NRAP: variants seen among roughly 807,000 people sequenced by gnomAD.
The protein encoded by NRAP is nebulin related anchoring protein.
NRAP carries 189 observed loss-of-function variants against 225.9 expected under a neutral mutation model. That is an observed-to-expected ratio of 0.84 (90% CI 0.74 to 0.94). The LOEUF (loss-of-function observed/expected upper bound fraction) is 0.94. Ranked by LOEUF, NRAP falls within the 40% of genes least tolerant of loss-of-function variation. The probability of loss-of-function intolerance (pLI) is 0.00; values close to 1 mark genes in which losing one functional copy is unlikely to be tolerated. For missense variants in NRAP, 2,176 were observed against 2,168.7 expected (o/e 1.00, Z -0.07); for synonymous variants, 769 against 790.7 (o/e 0.97, Z 0.46).
At chr10:113,661,824 A>G (rs1850698173) in intron 3 of NRAP, among the ~76,000 whole-genome samples, 1 of 152,216 alleles carries the variant, frequency 6.6e-6, no homozygotes, top group East Asian at 1.9e-4. Flanking sequence ...ACAGGCTGCC[A>G]ATAATCATAA....
intron 41 of NRAP, 144 bp downstream of exon 41, chr10:113,589,522 A>C: frequency 1.1e-6 from 1 of 942,402 alleles, no homozygotes; most frequent in South Asian, 1.6e-5. Context: ...GACCCATGAA[A>C]TTAGGCGCCT....
chr10:113,620,046 G>C (rs776315079), intron 25 of NRAP, among the ~76,000 whole-genome samples: 8 of 152,190 alleles, frequency 5.3e-5, no homozygotes, highest in Non-Finnish European at 1.2e-4. Flanking sequence ...AGAAAGAGCT[G>C]CTCATTGACA....
In NRAP at chr10:113,590,689, G is replaced by C; in HGVS notation, c.4845C>G (p.Ser1615Arg). 3 of 1,614,186 alleles carry C rather than the reference G, an allele frequency of 1.9e-6. No homozygotes were observed. The highest frequency in any genetic ancestry group is 2.2e-5 in the South Asian group (2 of 91,086). ...DQPGLLQAKR[S>R]QQLASDVHYR... ...AGTGCACATCACTGGCCAGCTGCTG[G>C]CTCCTCTTGGCCTGAAGGAGGCCGG... The change falls in exon 40 of 42, where the codon AGC (serine) becomes AGG (arginine). Residue 1615 changes from serine to arginine, a missense_variant. Ser to Arg is a moderately radical substitution (Grantham distance 110). Around this residue, in one of 3 missense-constraint regions of NRAP, gnomAD observed 445 missense variants for 426.1 expected, o/e 1.04. Transcript: ENST00000359988.
chr10:113,614,392 A>G (rs1200901285), intron 28 of NRAP, 96 bp from the exon 29 acceptor site: 2 of 883,234 alleles, frequency 2.3e-6, no homozygotes, highest in Non-Finnish European at 3.8e-6. Flanking sequence ...TGTTCTTTTG[A>G]CAGTAGCTGG....
chr10:113,645,032 G>A (rs564518496), intron 11 of NRAP, among the ~76,000 whole-genome samples: 10 of 152,106 alleles, frequency 6.6e-5, no homozygotes, highest in Non-Finnish European at 1.2e-4. Flanking sequence ...CGTCTTAAAC[G>A]GTGGGCAAGC....
At chr10:113,608,718 C>A (rs1348218491) in intron 31 of NRAP, among the ~76,000 whole-genome samples, 2 of 152,244 alleles carry the variant, frequency 1.3e-5, no homozygotes, top group African/African-American at 4.8e-5. Context: ...TGGACTGAAT[C>A]AGAACCTTCT....
rs758733405 is a variant in NRAP, at chr10:113,650,046, T to A, written c.879A>T (p.Gln293His). ...EGILTRECAD[Q>H]YGQGYPEEYE... ...TCATTTTATCACATACCTGGCCATATTGGTCTGCACATTCCCTTGTCAAGA... is the reference window on the plus strand; with the variant it reads ...TCATTTTATCACATACCTGGCCATAATGGTCTGCACATTCCCTTGTCAAGA... The change falls in exon 9 of 42, where the codon CAA (glutamine) becomes CAT (histidine). Residue 293 changes from glutamine to histidine, a missense_variant. This residue lies in a region of NRAP where 1,708 missense variants were observed against 1,695.5 expected (regional missense o/e 1.01). Coordinates refer to ENST00000359988, the MANE Select transcript of NRAP (RefSeq NM_198060.4). 2 of 1,586,806 alleles carry A rather than the reference T, an allele frequency of 1.3e-6. No homozygotes were observed. Among genetic ancestry groups the A allele is most frequent in the Non-Finnish European group, 1.7e-6 (2 of 1,155,242 alleles).
chr10:113,591,459 C>T (rs779655837), intron 39 of NRAP, among the ~76,000 whole-genome samples: 16 of 152,174 alleles, frequency 1.1e-4, no homozygotes, highest in Non-Finnish European at 2.2e-4. Flanking sequence ...TGGCCTTCAC[C>T]CTTTTCAATG....
In NRAP at chr10:113,589,693, T is replaced by C. The variant is rs1252640502; in HGVS notation, c.5061A>G (p.Ala1687=). 1 of 1,614,068 alleles carries C rather than the reference T, an allele frequency of 6.2e-7. No homozygotes were observed. Among genetic ancestry groups the C allele is most frequent in the South Asian group, 1.1e-5 (1 of 91,076 alleles). Residue 1687 remains alanine (A), a synonymous_variant, in exon 41 of 42, where the codon GCA becomes GCG. Transcript: ENST00000359988. ...AAGCTCCCTGGAGACCCAGGCCCCT[T>C]GCGTTGGCCAGTTCCGCAGCCCGCC... ...MARRAAELAN[A]RGLGLQGAYR...
At chr10:113,608,965 C>T (rs1048030292) in intron 31 of NRAP, among the ~76,000 whole-genome samples, 6 of 152,156 alleles carry the variant, frequency 3.9e-5, no homozygotes, top group African/African-American at 1.4e-4. Flanking sequence ...TCGAGACCAT[C>T]CAGGCCAACA....
chr10:113,635,384 G>A (rs891761072), intron 14 of NRAP, among the ~76,000 whole-genome samples: 21 of 152,170 alleles, frequency 1.4e-4, no homozygotes, highest in Admixed American at 1.2e-3. Flanking sequence ...AAAGAAAAGA[G>A]GGAGAGGTTG....
Position 113,604,797 on chromosome 10 carries a change from T to C in NRAP, c.4039A>G (p.Arg1347Gly). The C allele has an allele frequency of 2.5e-6, 4 of 1,614,150 alleles. No individual in the cohort carries two copies. The highest frequency in any genetic ancestry group is 2.5e-6 in the Non-Finnish European group (3 of 1,180,012). The change falls in exon 35 of 42, where the codon AGG becomes GGG. Residue 1347 changes from arginine to glycine, a missense_variant. Coordinates refer to ENST00000359988, the MANE Select transcript of NRAP (RefSeq NM_198060.4). ...MGQLQSELQY[R>G]RGATSSQAQF... The stretch of plus-strand genomic sequence containing the variant: ...GCTTGGCTGCTGGTCGCCCCCCTCC[T>C]GTACTGAAGCTCGCTCTGCAGCTGG...
rs746706584 is a variant in NRAP at position 113,629,773 on chromosome 10, T to C, written c.1855A>G (p.Lys619Glu). ...AKMSSEVEYK[K>E]GFEESKTRFH... The stretch of plus-strand genomic sequence containing the variant: ...CGGGTCTTACTCTCTTCAAAGCCTT[T>C]CTTATATTCAACCTTGAATATACCA... The change falls in exon 19 of 42, where the codon AAA becomes GAA. Residue 619 changes from lysine to glutamate, a missense_variant. Physicochemically the swap from Lys to Glu is moderately conservative, Grantham distance 56 (BLOSUM62 1). This residue lies in a region of NRAP where 1,708 missense variants were observed against 1,695.5 expected (regional missense o/e 1.01). Transcript: ENST00000359988. 3.1e-6 allele frequency: 5 copies of C among 1,612,426 alleles called. No homozygotes were observed. The African/African-American group carries it at 5.3e-5, about 17-fold the overall frequency.
At chr10:113,637,918 G>A (rs992561146) in intron 14 of NRAP, among the ~76,000 whole-genome samples, 3 of 76,056 alleles carry the variant, frequency 3.9e-5, no homozygotes, top group South Asian at 1.3e-3. Context: ...GTGAAACTCT[G>A]TCTCAAAAAA....
At chr10:113,646,872 A>C in intron 10 of NRAP, 51 bp downstream of exon 10, 1 of 1,223,370 alleles carries the variant, frequency 8.2e-7, no homozygotes, top group South Asian at 1.2e-5. Flanking sequence ...CAGCCTTCAA[A>C]GTCTCACTTC....
intron 16 of NRAP, among the ~76,000 whole-genome samples, chr10:113,632,610 TACACA>T (rs1484925877): frequency 0.021 from 3,224 of 152,304 alleles, 125 homozygotes; most frequent in African/African-American, 0.075. Context: ...TAATTCCACA[TACACA>T]GTGCCTGCCT....
At chr10:113,634,807 G>A (rs2134056988) in intron 14 of NRAP, among the ~76,000 whole-genome samples, 1 of 152,190 alleles carries the variant, frequency 6.6e-6, no homozygotes, top group East Asian at 1.9e-4. Flanking sequence ...CCAAAAAAGA[G>A]GTGTTAAAAA....
chr10:113,613,259 A>G (rs1420992252), intron 29 of NRAP, among the ~76,000 whole-genome samples: 1 of 152,160 alleles, frequency 6.6e-6, no homozygotes, highest in Non-Finnish European at 1.5e-5. Flanking sequence ...GAAAGGAAAA[A>G]AAAAAAGTTA....
intron 29 of NRAP, 35 bp downstream of exon 29, chr10:113,614,148 G>A (rs761294930): frequency 2.2e-5 from 31 of 1,380,990 alleles, no homozygotes; most frequent in Admixed American, 1.0e-4. Context: ...TCAGGTGGGG[G>A]CCCTGCAGCC....
Sources: allele counts gnomAD v4.1 joint callset (sites outside exome capture counted in the v4.1 genomes callset), GRCh38; gene constraint gnomAD v4.1.1; regional missense constraint gnomAD v4.1.1; transcripts MANE v1.5; gene names NCBI Gene and HGNC (gene_info 2026-07-23, HGNC 2026-07-21).